Variants in MTHFD2L observed in about 807,000 individuals in gnomAD.
MTHFD2L encodes the protein methylenetetrahydrofolate dehydrogenase (NADP+ dependent) 2 like, also known as bifunctional methylenetetrahydrofolate dehydrogenase/cyclohydrolase 2, mitochondrial.
Under a neutral mutation model 34.9 loss-of-function variants are expected in MTHFD2L, and 29 were observed. The observed-to-expected ratio is 0.83, with a 90% CI of 0.62 to 1.13. The LOEUF is 1.13. Ranked by LOEUF, MTHFD2L falls within the 50% of genes most tolerant of loss-of-function variation. MTHFD2L has a pLI of 0.00. For missense variants in MTHFD2L, 481 were observed against 446.5 expected (o/e 1.08, Z -0.70); for synonymous variants, 167 against 155.7 (o/e 1.07, Z -0.54).
chr4:74,288,510 TCTTA>T (rs1160710803), intron 7 of MTHFD2L: 2 of 152,208 alleles, frequency 1.3e-5, no homozygotes, highest in Non-Finnish European at 2.9e-5. Context: ...AAGACTAATC[TCTTA>T]CTTAGGGTAG....
intron 6 of MTHFD2L, among the ~76,000 whole-genome samples, chr4:74,248,559 T>G (rs2110191852): frequency 6.7e-6 from 1 of 148,502 alleles, no homozygotes; most frequent in African/African-American, 2.5e-5. Context: ...TCTAGTTCTT[T>G]TAATTGTGAT....
chr4:74,289,360 G>C (rs1455773076), intron 7 of MTHFD2L, among the ~76,000 whole-genome samples: 1 of 152,124 alleles, frequency 6.6e-6, no homozygotes, highest in African/African-American at 2.4e-5. Context: ...AGACCTTGAG[G>C]GGGGCCTGGC....
At chr4:74,190,619 T>C in intron 3 of MTHFD2L, 2 of 603,108 alleles carry the variant, frequency 3.3e-6, no homozygotes, top group Non-Finnish European at 4.2e-6. Flanking sequence ...TGTCCCCTTG[T>C]CCCTTGATGT....
Position 74,261,900 on chromosome 4 carries a change from A to G in MTHFD2L, c.806-19525A>G, listed in dbSNP as rs1744724430. Among the ~76,000 whole-genome samples, 3 of 152,034 alleles carry G rather than the reference A, an allele frequency of 2.0e-5. No individual in the cohort carries two copies. In the South Asian group the frequency reaches 6.2e-4, roughly 31 times the overall value. On this transcript the variant is annotated intron_variant, in intron 6 of 7. Transcript: ENST00000325278. ...TAACATCTACATCATATATTGTTCT[A>G]AGGTCAAATAGAGATAATACGTGTA...
At chr4:74,217,475 T>TA (rs771522869) in intron 5 of MTHFD2L, among the ~76,000 whole-genome samples, 1 of 151,892 alleles carries the variant, frequency 6.6e-6, no homozygotes, top group African/African-American at 2.4e-5. Flanking sequence ...CTGTGCATGA[T>TA]TACTGAGTTT....
At chr4:74,169,179 G>A (rs1042601035) in intron 1 of MTHFD2L, among the ~76,000 whole-genome samples, 3 of 152,152 alleles carry the variant, frequency 2.0e-5, no homozygotes, top group African/African-American at 4.8e-5. Context: ...ATTAGTTAGC[G>A]AGCTGACTTA....
In MTHFD2L at chr4:74,199,912, T is replaced by C. The variant is rs1374269179; in HGVS notation, c.570T>C (p.Thr190=). Residue 190 remains threonine, a synonymous_variant, in exon 4 of 8, where the codon ACT becomes ACC. Coordinates refer to ENST00000325278, the MANE Select transcript of MTHFD2L (RefSeq NM_001144978.3). ...ATCAGCATTCTCTCATACCTGCCAC[T>C]GCCAGTGCTGTTTGGGAAATAATAA... ...CLDQHSLIPA[T]ASAVWEIIKR... The C allele has an allele frequency of 6.2e-7, 1 of 1,613,966 alleles. No homozygotes were observed. Among genetic ancestry groups the C allele is most frequent in the Non-Finnish European group, 8.5e-7 (1 of 1,179,986 alleles).
At position 74,233,181 on chromosome 4, in the gene MTHFD2L, G is replaced by A. The variant is rs532224002; in HGVS notation, c.805+7787G>A. On this transcript the variant is annotated intron_variant, in intron 6 of 7. Coordinates refer to ENST00000325278, the MANE Select transcript of MTHFD2L (RefSeq NM_001144978.3). The stretch of plus-strand genomic sequence containing the variant: ...CAGAGAGAGGAGATAGCTGTGTCTC[G>A]TTTGTAACCCATTCTCCAGGCCTGT... 2.6e-5 allele frequency among the ~76,000 whole-genome samples: 4 copies of A among 152,126 alleles called. No homozygotes were observed. The South Asian group carries it at 6.2e-4, about 24-fold the overall frequency.
chr4:74,237,066 G>A (rs1003214014), intron 6 of MTHFD2L, among the ~76,000 whole-genome samples: 7 of 152,036 alleles, frequency 4.6e-5, no homozygotes, highest in African/African-American at 7.3e-5. Context: ...GGGTGCTTTC[G>A]TATAAAGGAT....
At chr4:74,154,226 T>C (rs1363378434), upstream of MTHFD2L, among the ~76,000 whole-genome samples, 2 of 152,160 alleles carry the variant, frequency 1.3e-5, no homozygotes, top group African/African-American at 4.8e-5. Flanking sequence ...ATCCATCCTA[T>C]CAGTATGATA....
chr4:74,163,667 C>G (rs889937788), intron 1 of MTHFD2L, among the ~76,000 whole-genome samples: 1 of 152,112 alleles, frequency 6.6e-6, no homozygotes, highest in Non-Finnish European at 1.5e-5. Flanking sequence ...ATTTTAATAA[C>G]ACACTTCAAA....
intron 3 of MTHFD2L, among the ~76,000 whole-genome samples, chr4:74,198,374 G>C (rs780430816): frequency 3.9e-5 from 6 of 152,154 alleles, no homozygotes; most frequent in African/African-American, 1.4e-4. Flanking sequence ...AAGAGTCCTT[G>C]TTGAGTTCTT....
At chr4:74,220,172 A>G (rs556628365) in intron 5 of MTHFD2L, among the ~76,000 whole-genome samples, 19 of 152,006 alleles carry the variant, frequency 1.2e-4, no homozygotes, top group African/African-American at 4.1e-4. Flanking sequence ...GTATTAAGGA[A>G]CATTTTCAAA....
At chr4:74,188,565 T>G (rs1173963778) in intron 3 of MTHFD2L, among the ~76,000 whole-genome samples, 3 of 151,966 alleles carry the variant, frequency 2.0e-5, no homozygotes, top group Non-Finnish European at 2.9e-5. Context: ...TGTTTATAGA[T>G]AGTTGGAGCT....
chr4:74,157,983 C>T (rs1410223125), upstream of MTHFD2L: 8 of 1,176,736 alleles, frequency 6.8e-6, 1 homozygote, highest in Admixed American at 4.0e-5. Flanking sequence ...TCCTGGGAAC[C>T]GCTCTTTACC....
At chr4:74,212,557 T>C (rs907767341) in intron 5 of MTHFD2L, among the ~76,000 whole-genome samples, 3 of 152,164 alleles carry the variant, frequency 2.0e-5, no homozygotes, top group African/African-American at 7.2e-5. Context: ...GGGTCTGAGA[T>C]ACAGTTTTTT....
chr4:74,131,689 TA>T (rs1722515877), intron 1 of MTHFD2L, among the ~76,000 whole-genome samples: 1 of 152,168 alleles, frequency 6.6e-6, no homozygotes, highest in African/African-American at 2.4e-5. Context: ...TCTTCATGAC[TA>T]AAACACCAAA....
chr4:74,198,048 T>G (rs532521832), intron 3 of MTHFD2L, among the ~76,000 whole-genome samples: 111 of 152,326 alleles, frequency 7.3e-4, no homozygotes, highest in Non-Finnish European at 1.4e-3. Flanking sequence ...CTATACATTT[T>G]GTATGTCCAT....
chr4:74,197,004 A>G (rs1041360860), intron 3 of MTHFD2L, among the ~76,000 whole-genome samples: 1 of 151,940 alleles, frequency 6.6e-6, no homozygotes, highest in South Asian at 2.1e-4. Flanking sequence ...GTAAATCTAC[A>G]GTGTCCTAAA....
Sources: allele counts gnomAD v4.1 joint callset (sites outside exome capture counted in the v4.1 genomes callset), GRCh38; gene constraint gnomAD v4.1.1; transcripts MANE v1.5; gene names NCBI Gene and HGNC (gene_info 2026-07-23, HGNC 2026-07-21).